The following ACSF2 variants were observed in gnomAD, a reference collection of about 807,000 sequenced individuals.
The protein encoded by ACSF2 is medium-chain acyl-CoA ligase ACSF2, mitochondrial.
A neutral mutation model predicts 79.3 loss-of-function variants in ACSF2; 52 were observed. The ratio of observed to expected loss-of-function variants is 0.66; its 90% CI spans 0.53 to 0.83. The LOEUF is 0.83. Ranked by LOEUF, ACSF2 falls within the 40% of genes least tolerant of loss-of-function variation. ACSF2 has a pLI of 0.00. For synonymous variants in ACSF2, 283 were observed against 312.6 expected, an observed-to-expected ratio of 0.91 and a Z score of 1.00; for missense variants, 661 against 803.3, an observed-to-expected ratio of 0.82 and a Z score of 2.14.
intron 2 of ACSF2, 114 bp from the exon 3 acceptor site, chr17:50,461,128 C>T (rs1333602915): frequency 1.3e-6 from 2 of 1,494,170 alleles, no homozygotes; most frequent in South Asian, 2.5e-5. Flanking sequence ...ATCTGCCTGT[C>T]CCTTTGTCCC....
At chr17:50,430,560 G>A (rs537165442) in intron 1 of ACSF2, among the ~76,000 whole-genome samples, 4 of 152,176 alleles carry the variant, frequency 2.6e-5, no homozygotes, top group African/African-American at 4.8e-5. Context: ...AGCTACTTGG[G>A]AGGCTGAGGC....
intron 4 of ACSF2, 107 bp from the exon 5 acceptor site, chr17:50,462,076 GT>G (rs2143709576): frequency 2.3e-6 from 2 of 869,558 alleles, no homozygotes; most frequent in Non-Finnish European, 3.7e-6. Context: ...AGGTGTGTGT[GT>G]CAGAAGCGGG....
At chr17:50,428,126 C>T (rs1205169158) in intron 1 of ACSF2, among the ~76,000 whole-genome samples, 1 of 152,082 alleles carries the variant, frequency 6.6e-6, no homozygotes, top group Non-Finnish European at 1.5e-5. Context: ...GAGTTCAAGG[C>T]TGCATTGAGC....
intron 1 of ACSF2, among the ~76,000 whole-genome samples, chr17:50,457,031 C>G (rs1290695851): frequency 1.3e-5 from 2 of 152,084 alleles, no homozygotes; most frequent in Non-Finnish European, 2.9e-5. Context: ...CACCACTGCA[C>G]TCTAGCCCAG....
At chr17:50,439,841 A>C (rs971120287) in intron 1 of ACSF2, among the ~76,000 whole-genome samples, 5 of 152,156 alleles carry the variant, frequency 3.3e-5, no homozygotes, top group Non-Finnish European at 7.3e-5. Flanking sequence ...TGGGGGTGAA[A>C]GAGTATCTCG....
At chr17:50,433,745 A>C (rs2030154631) in intron 1 of ACSF2, among the ~76,000 whole-genome samples, 1 of 151,944 alleles carries the variant, frequency 6.6e-6, no homozygotes, top group African/African-American at 2.4e-5. Flanking sequence ...CTGCCTCCCA[A>C]ATAGCTGGGA....
chr17:50,435,724 C>G (rs1026101494), intron 1 of ACSF2, among the ~76,000 whole-genome samples: 4 of 151,926 alleles, frequency 2.6e-5, no homozygotes, highest in African/African-American at 9.6e-5. Flanking sequence ...GCCCATATAG[C>G]AATTTAAAAA....
intron 10 of ACSF2, chr17:50,465,932 C>G (rs578194129): frequency 6.3e-7 from 1 of 1,589,358 alleles, no homozygotes; most frequent in Non-Finnish European, 8.6e-7. Context: ...AGTAAGCACC[C>G]GAGTGCCAGA....
chr17:50,451,256 CAT>C (rs2031659527), intron 1 of ACSF2, among the ~76,000 whole-genome samples: 1 of 152,080 alleles, frequency 6.6e-6, no homozygotes, highest in African/African-American at 2.4e-5. Context: ...TGTTTGAACA[CAT>C]GTTTTCAGTT....
chr17:50,426,641 C>A (rs184837202), intron 1 of ACSF2, among the ~76,000 whole-genome samples: 1 of 152,342 alleles, frequency 6.6e-6, no homozygotes, highest in African/African-American at 2.4e-5. Flanking sequence ...TCGATTCCTT[C>A]TCCTTTATGG....
intron 1 of ACSF2, among the ~76,000 whole-genome samples, chr17:50,441,922 C>T (rs1326096247): frequency 6.6e-6 from 1 of 152,114 alleles, no homozygotes; most frequent in Non-Finnish European, 1.5e-5. Context: ...TTACAGCAGC[C>T]TCGCCCTTGT....
At chr17:50,469,090 C>A (rs949196686) in intron 10 of ACSF2, 77 of 1,208,274 alleles carry the variant, frequency 6.4e-5, no homozygotes, top group Non-Finnish European at 7.8e-5. Flanking sequence ...GAGCCCCGAG[C>A]CCTGAGCCCC....
At chr17:50,458,473 T>G (rs541104140) in intron 1 of ACSF2, among the ~76,000 whole-genome samples, 33 of 152,304 alleles carry the variant, frequency 2.2e-4, no homozygotes, top group African/African-American at 7.0e-4. Context: ...GCTGTCAGCT[T>G]AGGCATAAAT....
At chr17:50,464,772 G>GC (rs1026070446) in intron 10 of ACSF2, 2 of 329,874 alleles carry the variant, frequency 6.1e-6, no homozygotes, top group African/African-American at 2.6e-5. Context: ...ATTGACTTGG[G>GC]GGGGGGGTCT....
At chr17:50,449,590 T>A (rs2031538955) in intron 1 of ACSF2, among the ~76,000 whole-genome samples, 1 of 151,516 alleles carries the variant, frequency 6.6e-6, no homozygotes, top group African/African-American at 2.4e-5. Flanking sequence ...GTATTTTTTT[T>A]TTTTTAGTAG....
At chr17:50,464,771 G>GGGGC (rs1555611939) in intron 10 of ACSF2, 1 of 328,874 alleles carries the variant, frequency 3.0e-6, no homozygotes, top group East Asian at 7.8e-5. Flanking sequence ...GATTGACTTG[G>GGGGC]GGGGGGGGTC....
intron 1 of ACSF2, among the ~76,000 whole-genome samples, chr17:50,433,134 G>A (rs924867826): frequency 2.0e-5 from 3 of 148,158 alleles, no homozygotes; most frequent in Non-Finnish European, 4.4e-5. Flanking sequence ...TTGAGACGGA[G>A]TCTCGCACTA....
Position 50,474,051 on chromosome 17 carries a change from C to T in ACSF2, c.1728+47C>T. Reference sequence around the variant, plus strand: ...AGCTGATGCTGCTCTGTTCTTTGCTCACCCACTCCTCTGCCAACCAGCCCA... The same window carrying T: ...AGCTGATGCTGCTCTGTTCTTTGCTTACCCACTCCTCTGCCAACCAGCCCA... On this transcript the variant is annotated intron_variant, in intron 14 of 15. Transcript: ENST00000300441. This position sits in a 1 kb window ranked among gnomAD's most constrained non-coding sequence, Gnocchi z 4.2. 6.4e-7 allele frequency: 1 copy of T among 1,551,846 alleles called. No individual in the cohort carries two copies. The highest frequency in any genetic ancestry group is 8.7e-7 in the Non-Finnish European group (1 of 1,146,472).
chr17:50,453,036 C>A (rs556033998), intron 1 of ACSF2, among the ~76,000 whole-genome samples: 57 of 152,120 alleles, frequency 3.7e-4, no homozygotes, highest in Middle Eastern at 6.8e-3. Context: ...CTCCTTTCTC[C>A]CAGATCTGAG....
Sources: gnomAD v4.1 joint callset for allele counts (sites outside exome capture counted in the v4.1 genomes callset) on GRCh38, gnomAD v4.1.1 for gene constraint, Gnocchi (gnomAD v3.1) non-coding constraint, MANE v1.5 for transcripts, NCBI Gene and HGNC (gene_info 2026-07-23, HGNC 2026-07-21) for gene names.